Variants in CTNNA2 observed in about 807,000 individuals in gnomAD.
The protein encoded by CTNNA2 is catenin alpha 2.
Under a neutral mutation model 101.0 loss-of-function variants are expected in CTNNA2, and 42 were observed. The observed-to-expected ratio is 0.42, with a 90% CI of 0.32 to 0.54. The LOEUF is 0.54. Ranked by LOEUF, CTNNA2 falls within the 20% of genes least tolerant of loss-of-function variation. The probability of loss-of-function intolerance (pLI) is 0.14; values close to 1 mark genes in which losing one functional copy is unlikely to be tolerated. For synonymous variants in CTNNA2, 450 were observed against 456.4 expected, an observed-to-expected ratio of 0.99 and a Z score of 0.18; for missense variants, 871 against 1,223.1, an observed-to-expected ratio of 0.71 and a Z score of 4.29.
chr2:80,575,814 T>G (rs1362731451), intron 13 of CTNNA2, among the ~76,000 whole-genome samples: 1 of 152,098 alleles, frequency 6.6e-6, no homozygotes, highest in African/African-American at 2.4e-5. Context: ...TTAGATAAAA[T>G]GTCGTATCTT....
At chr2:80,010,566 A>C (rs1038384909) in intron 7 of CTNNA2, among the ~76,000 whole-genome samples, 1 of 152,132 alleles carries the variant, frequency 6.6e-6, no homozygotes, top group African/African-American at 2.4e-5. Context: ...GGCCTTCCAA[A>C]GTTCTGGGAT....
chr2:80,225,457 C>G (rs769535965), intron 7 of CTNNA2, among the ~76,000 whole-genome samples: 1 of 151,882 alleles, frequency 6.6e-6, no homozygotes, highest in Non-Finnish European at 1.5e-5. Flanking sequence ...AAATCAGCAC[C>G]GAGTTGGCCA....
chr2:80,647,902 CTTTCT>C lies in CTNNA2; in HGVS notation c.*38_*42del, dbSNP rs1376748364. 20 of 1,524,642 alleles carry C rather than the reference CTTTCT, an allele frequency of 1.3e-5. No individual in the cohort carries two copies. In the South Asian group the frequency reaches 2.1e-4, roughly 16 times the overall value. The allele number at this position is 1,524,642 out of a possible 1,614,324, so 94.4% of individuals were successfully genotyped here. A position where few individuals can be genotyped will look rare whatever the true frequency, so the allele number is the denominator to read the frequency against. ...ATAGGTTTTAACAAGAAAGCTTTTT[CTTTCT>C]TTTCTTTCTTTCTTTTTCTTTTTAA... is the stretch of plus-strand genomic sequence containing the variant. On this transcript the variant is annotated 3_prime_UTR_variant, in exon 19 of 19. Coordinates refer to ENST00000402739, the MANE Select transcript of CTNNA2 (RefSeq NM_001282597.3).
intron 2 of CTNNA2, among the ~76,000 whole-genome samples, chr2:79,689,493 A>C (rs1684149608): frequency 6.6e-6 from 1 of 152,046 alleles, no homozygotes; most frequent in Admixed American, 6.6e-5. Flanking sequence ...TTCTCACAGC[A>C]AAGAAAATTT....
chr2:79,601,681 A>T (rs1348661472), intron 1 of CTNNA2, among the ~76,000 whole-genome samples: 1 of 152,270 alleles, frequency 6.6e-6, no homozygotes, highest in Non-Finnish European at 1.5e-5. Flanking sequence ...TAAGCATAAC[A>T]CTGGTAAAAT....
At chr2:79,785,354 C>G (rs1674756846) in intron 3 of CTNNA2, among the ~76,000 whole-genome samples, 1 of 152,174 alleles carries the variant, frequency 6.6e-6, no homozygotes, top group Admixed American at 6.6e-5. Context: ...TTCATTGATG[C>G]CAACCATCTT....
intron 7 of CTNNA2, chr2:80,027,942 CAGCCTGTGCAACACAGTG>C (rs1274031606): frequency 7.6e-6 from 1 of 130,766 alleles, no homozygotes; most frequent in African/African-American, 3.0e-5. Context: ...CACGGCACTC[CAGCCTGTGCAACACAGTG>C]AGACCCTGTC....
At chr2:79,755,769 T>G (rs1672356368) in intron 3 of CTNNA2, among the ~76,000 whole-genome samples, 2 of 152,190 alleles carry the variant, frequency 1.3e-5, no homozygotes, top group Admixed American at 1.3e-4. Context: ...TCATTTTAAT[T>G]AGTTAGGTCT....
At chr2:79,375,568 A>G (rs1677961727) in intron 4 of CTNNA2, among the ~76,000 whole-genome samples, 1 of 152,184 alleles carries the variant, frequency 6.6e-6, no homozygotes. Context: ...AGAAATACTG[A>G]GACCTTCAAA....
At chr2:79,994,533 A>G (rs1250017252) in intron 7 of CTNNA2, among the ~76,000 whole-genome samples, 2 of 152,038 alleles carry the variant, frequency 1.3e-5, no homozygotes, top group East Asian at 3.9e-4. Context: ...TGGATCCCCA[A>G]CATGGTGGCA....
At chr2:80,473,167 T>A (rs1175284442) in intron 9 of CTNNA2, among the ~76,000 whole-genome samples, 1 of 152,130 alleles carries the variant, frequency 6.6e-6, no homozygotes, top group Non-Finnish European at 1.5e-5. Context: ...GGGCATTCGG[T>A]GTGGACTGGT....
At chr2:80,378,382 A>G (rs1486582201) in intron 7 of CTNNA2, among the ~76,000 whole-genome samples, 5 of 150,344 alleles carry the variant, frequency 3.3e-5, no homozygotes, top group African/African-American at 1.2e-4. Flanking sequence ...AAATAAATAA[A>G]TAAATAAATA....
intron 4 of CTNNA2, among the ~76,000 whole-genome samples, chr2:79,453,967 A>T (rs1020223068): frequency 6.6e-6 from 1 of 152,182 alleles, no homozygotes; most frequent in African/African-American, 2.4e-5. Flanking sequence ...TGCTAAAAGC[A>T]AGTTTTAAAA....
chr2:80,258,985 T>G (rs1672388504), intron 7 of CTNNA2, among the ~76,000 whole-genome samples: 1 of 152,170 alleles, frequency 6.6e-6, no homozygotes, highest in South Asian at 2.1e-4. Context: ...AGAAGTGCTT[T>G]GGATAATGTC....
At chr2:79,764,983 G>A (rs1237231693) in intron 3 of CTNNA2, among the ~76,000 whole-genome samples, 1 of 152,120 alleles carries the variant, frequency 6.6e-6, no homozygotes, top group Admixed American at 6.5e-5. Flanking sequence ...AATAGTGAGA[G>A]TAATTAGAGG....
At position 79,869,883 on chromosome 2, in the gene CTNNA2, A is replaced by C. The variant is rs1306637771; in HGVS notation, c.533A>C (p.Glu178Ala). The C allele has an allele frequency of 1.9e-6, 3 of 1,614,036 alleles. No homozygotes were observed. Among genetic ancestry groups the C allele is most frequent in the Non-Finnish European group, 1.7e-6 (2 of 1,180,020 alleles). ...NEQDLANRFK[E>A]FGKEMVKLNY... ...CAAGACCTTGCAAACCGTTTTAAAGAGTTTGGGAAAGAGATGGTGAAACTT... is the reference window on the plus strand; with the variant it reads ...CAAGACCTTGCAAACCGTTTTAAAGCGTTTGGGAAAGAGATGGTGAAACTT... Residue 178 changes from glutamate (E) to alanine (A), a missense_variant, in exon 5 of 19, where the codon GAG becomes GCG. Physicochemically the swap from Glu to Ala is moderately radical, Grantham distance 107. This residue lies in a region of CTNNA2 where 647 missense variants were observed against 831.5 expected (regional missense o/e 0.78). Transcript: ENST00000402739.
At chr2:79,528,337 C>T (rs1452227744) in intron 1 of CTNNA2, among the ~76,000 whole-genome samples, 1 of 151,906 alleles carries the variant, frequency 6.6e-6, no homozygotes, top group Non-Finnish European at 1.5e-5. Flanking sequence ...TTGGTCTCCA[C>T]AGTAGCTGGG....
chr2:79,325,090 A>G (rs1015980763), intron 3 of CTNNA2, among the ~76,000 whole-genome samples: 4 of 152,138 alleles, frequency 2.6e-5, no homozygotes, highest in African/African-American at 7.2e-5. Flanking sequence ...GAAGATTAAG[A>G]TAAGAGATAG....
intron 7 of CTNNA2, among the ~76,000 whole-genome samples, chr2:80,201,596 C>T (rs1449485981): frequency 1.3e-5 from 2 of 151,722 alleles, no homozygotes; most frequent in African/African-American, 2.4e-5. Context: ...AGGATGGTCT[C>T]GATCTCCTGA....
Sources: allele counts gnomAD v4.1 joint callset (sites outside exome capture counted in the v4.1 genomes callset), GRCh38; gene constraint gnomAD v4.1.1; regional missense constraint gnomAD v4.1.1; transcripts MANE v1.5; gene names NCBI Gene and HGNC (gene_info 2026-07-23, HGNC 2026-07-21).